Variants in VPS39 observed in about 807,000 individuals in gnomAD.
VPS39 encodes vam6/Vps39-like protein.
Under a neutral mutation model 121.0 loss-of-function variants are expected in VPS39, and 70 were observed. That is an observed-to-expected ratio of 0.58 (90% confidence interval 0.48 to 0.71). The LOEUF (loss-of-function observed/expected upper bound fraction) is 0.71, where lower values mean the gene tolerates loss of function less well. Ranked by LOEUF, VPS39 falls within the 30% of genes least tolerant of loss-of-function variation. VPS39 has a pLI of 0.00. For missense variants in VPS39, 818 were observed against 1,051.5 expected (o/e 0.78, Z 3.07); for synonymous variants, 378 against 398.1 (o/e 0.95, Z 0.60).
chr15:42,204,911 A>AT (rs1228435028), intron 1 of VPS39, among the ~76,000 whole-genome samples: 1 of 152,064 alleles, frequency 6.6e-6, no homozygotes, highest in African/African-American at 2.4e-5. Context: ...TGAAGTCTGC[A>AT]TTTTTTACAG....
intron 10 of VPS39, among the ~76,000 whole-genome samples, chr15:42,175,759 C>T (rs571197102): frequency 1.3e-5 from 2 of 152,092 alleles, no homozygotes; most frequent in South Asian, 2.1e-4. Context: ...GTCCCAAACA[C>T]TTAGGCCATA....
chr15:42,160,794 T>G lies in VPS39; in HGVS notation c.2588A>C (p.His863Pro). 2 of 1,614,174 alleles carry G rather than the reference T, an allele frequency of 1.2e-6. No homozygotes were observed. The highest frequency in any genetic ancestry group is 1.3e-5 in the African/African-American group (1 of 75,032). Residue 863 changes from histidine (H) to proline (P), a missense_variant, in exon 25 of 25, where the codon CAT becomes CCT. Coordinates refer to ENST00000318006, the MANE Select transcript of VPS39 (RefSeq NM_015289.5). The part of the protein sequence containing the change: ...FARYPNGVVV[H>P]YFCSKEVNPA... ...GTTTACCTCTTTGGAACAGAAGTAA[T>G]GGACGACCACTCCATTGGGGTATCT...
At chr15:42,195,100 G>A (rs750332563) in intron 2 of VPS39, among the ~76,000 whole-genome samples, 2 of 152,128 alleles carry the variant, frequency 1.3e-5, no homozygotes, top group Non-Finnish European at 2.9e-5. Context: ...ACCTAGAGTT[G>A]TAAAGGCCTC....
rs541014371 is a variant in VPS39 at position 42,165,832 on chromosome 15, C to A, written c.1681-16G>T. ...CAGTAAATATCTGTTAGAATGAACC[C>A]GAGTTCCAGCAGCAGAACCATCTGA... On this transcript the variant is annotated splice_polypyrimidine_tract_variant and intron_variant, in intron 16 of 24. Coordinates refer to ENST00000318006, the MANE Select transcript of VPS39 (RefSeq NM_015289.5). 6.2e-7 allele frequency: 1 copy of A among 1,609,282 alleles called. No individual in the cohort carries two copies.
chr15:42,184,769 G>C lies in VPS39; in HGVS notation c.535-69C>G, dbSNP rs1329866238. On this transcript the variant is annotated intron_variant, in intron 7 of 24. Coordinates refer to ENST00000318006, the MANE Select transcript of VPS39 (RefSeq NM_015289.5). Reference sequence around the variant, plus strand: ...GAGGTAAGAACACAGGAAAAATCCAGATAGAACCCGAAACCTAGAGAAGCC... The same window carrying C: ...GAGGTAAGAACACAGGAAAAATCCACATAGAACCCGAAACCTAGAGAAGCC... 9 of 1,462,372 alleles carry C rather than the reference G, an allele frequency of 6.2e-6. No homozygotes were observed. The East Asian group carries it at 2.1e-4, about 34-fold the overall frequency. 90.6% of individuals were successfully genotyped at this position (1,462,372 alleles called of 1,614,324 possible).
chr15:42,204,863 T>C (rs2050138447), intron 1 of VPS39, among the ~76,000 whole-genome samples: 1 of 152,176 alleles, frequency 6.6e-6, no homozygotes, highest in African/African-American at 2.4e-5. Context: ...TATAGGTATG[T>C]ATGTATATAT....
At chr15:42,178,375 AG>A in intron 9 of VPS39, 37 bp from the exon 10 acceptor site, 1 of 1,614,058 alleles carries the variant, frequency 6.2e-7, no homozygotes, top group South Asian at 1.1e-5. Context: ...AAAAGATCAC[AG>A]GCTTTGTGAT....
At chr15:42,204,628 C>T (rs367914834) in intron 1 of VPS39, among the ~76,000 whole-genome samples, 61 of 151,236 alleles carry the variant, frequency 4.0e-4, no homozygotes, top group African/African-American at 1.4e-3. Flanking sequence ...TCAGCCTGGG[C>T]GACAGAGCGA....
In VPS39 at chr15:42,191,524, T is replaced by C. The variant is rs759446781; in HGVS notation, c.176A>G (p.Asn59Ser). The change falls in exon 3 of 25, where the codon AAT (asparagine) becomes AGT (serine). Residue 59 changes from asparagine to serine, a missense_variant. Coordinates refer to ENST00000318006, the MANE Select transcript of VPS39 (RefSeq NM_015289.5). ...NRFEVTLEKSNKNFSKKIQQI... is the reference protein window; with the variant it reads ...NRFEVTLEKSSKNFSKKIQQI... ...CTGAATCTTTTTGGAGAAGTTCTTA[T>C]TGGATTTCTCTAGTGTCACTTCAAA... 47 of 1,614,106 alleles carry C rather than the reference T, an allele frequency of 2.9e-5. No individual in the cohort carries two copies. Among genetic ancestry groups the C allele is most frequent in the African/African-American group, 1.9e-4 (14 of 75,056 alleles).
In VPS39 at chr15:42,164,365, G is replaced by C. The variant is rs1287804746; in HGVS notation, c.2019C>G (p.Pro673=). ...YDPGRLICDF[P]FDGLLEERAL... is the part of the protein sequence containing the mutation. ...CCTAAGCCAGACACTCACCATCAAA[G>C]GGAAAATCACAGATGAGCCGGCCTG... The change falls in exon 19 of 25, where the codon CCC becomes CCG. Residue 673 remains proline, a synonymous_variant. Coordinates refer to ENST00000318006, the MANE Select transcript of VPS39 (RefSeq NM_015289.5). 6.2e-7 allele frequency: 1 copy of C among 1,613,942 alleles called. No individual in the cohort carries two copies. Among genetic ancestry groups the C allele is most frequent in the African/African-American group, 1.3e-5 (1 of 74,934 alleles).
intron 2 of VPS39, among the ~76,000 whole-genome samples, chr15:42,192,888 C>T (rs1422160141): frequency 3.3e-5 from 5 of 152,178 alleles, no homozygotes; most frequent in East Asian, 3.9e-4. Flanking sequence ...AAGCAATTCT[C>T]GTGCCCTCAG....
At chr15:42,177,930 A>C (rs2049489872) in intron 10 of VPS39, among the ~76,000 whole-genome samples, 1 of 152,168 alleles carries the variant, frequency 6.6e-6, no homozygotes, top group Non-Finnish European at 1.5e-5. Context: ...GCCTCCCAAA[A>C]TGCTGGGATT....
In VPS39 at chr15:42,166,782, G is replaced by C; in HGVS notation, c.1509C>G (p.Leu503=). 6.2e-7 allele frequency: 1 copy of C among 1,614,070 alleles called. No homozygotes were observed. Among genetic ancestry groups the C allele is most frequent in the Non-Finnish European group, 8.5e-7 (1 of 1,179,950 alleles). ...ELIILYEKKG[L]HEKALQVLVD... ...GAACCACTCCCACACCTTTCTCGTG[G>C]AGCCCCTTCTTCTCATACAGGATGA... Residue 503 remains leucine (L), a synonymous_variant, in exon 14 of 25, where the codon CTC becomes CTG. Coordinates refer to ENST00000318006, the MANE Select transcript of VPS39 (RefSeq NM_015289.5).
At chr15:42,164,741 C>G in intron 18 of VPS39, 1 of 1,428,066 alleles carries the variant, frequency 7.0e-7, no homozygotes, top group Non-Finnish European at 9.1e-7. Flanking sequence ...TAGCTGTCAT[C>G]TTGCAGACAG....
chr15:42,187,880 ATGAAAATACAATGACTCTC>A, intron 5 of VPS39, 24 bp from the exon 6 acceptor site: 2 of 1,596,872 alleles, frequency 1.3e-6, no homozygotes, highest in Non-Finnish European at 1.7e-6. Flanking sequence ...TGCAGAGCAA[ATGAAAATACAATGACTCTC>A]TCTAACTGAG....
rs1352534951 is a variant in VPS39 at position 42,167,496 on chromosome 15, G to A, written c.1275C>T (p.His425=). 3 of 1,614,074 alleles carry A rather than the reference G, an allele frequency of 1.9e-6. No individual in the cohort carries two copies. The South Asian group carries it at 3.3e-5, about 18-fold the overall frequency. Residue 425 remains histidine (H), a synonymous_variant, in exon 13 of 25, where the codon CAC becomes CAT. Transcript: ENST00000318006. ...QLVKKLNDSD[H]QSSTSPLMEG... The stretch of plus-strand genomic sequence containing the variant: ...CCATGAGCGGTGAGGTGCTTGACTG[G>A]TGATCAGAGTCATTCAGCTTCTTTA...
intron 11 of VPS39, among the ~76,000 whole-genome samples, chr15:42,171,919 G>A (rs1385957530): frequency 6.6e-6 from 1 of 152,140 alleles, no homozygotes; most frequent in African/African-American, 2.4e-5. Context: ...TTCAGAAGCA[G>A]AGGGGAGCCA....
chr15:42,186,042 T>C (rs774245531), intron 7 of VPS39, among the ~76,000 whole-genome samples: 1 of 152,188 alleles, frequency 6.6e-6, no homozygotes, highest in Non-Finnish European at 1.5e-5. Flanking sequence ...CTACTTGCTA[T>C]TGAGTCAGTG....
At chr15:42,169,931 A>G (rs2049315192) in intron 11 of VPS39, 65 bp from the exon 12 acceptor site, 5 of 1,528,562 alleles carry the variant, frequency 3.3e-6, no homozygotes, top group Non-Finnish European at 4.4e-6. Flanking sequence ...AAAATAAAAC[A>G]GGACTATTAC....
Sources: allele counts gnomAD v4.1 joint callset (sites outside exome capture counted in the v4.1 genomes callset), GRCh38; gene constraint gnomAD v4.1.1; transcripts MANE v1.5; gene names NCBI Gene and HGNC (gene_info 2026-07-23, HGNC 2026-07-21).